The following RAB39A variants were observed in gnomAD, a reference collection of about 807,000 sequenced individuals.
RAB39A encodes ras-related protein Rab-39A.
RAB39A carries 17 observed loss-of-function variants against 20.9 expected under a neutral mutation model. The observed-to-expected ratio is 0.81, with a 90% CI of 0.56 to 1.22. The LOEUF (loss-of-function observed/expected upper bound fraction) is 1.22. Among genes scored for constraint, RAB39A ranks in the 50% most tolerant of loss-of-function variants. The pLI, the probability that RAB39A is intolerant of heterozygous loss-of-function variation, is 0.00. For synonymous variants in RAB39A, 99 were observed against 103.4 expected, an observed-to-expected ratio of 0.96 and a Z score of 0.26; for missense variants, 234 against 270.5, an observed-to-expected ratio of 0.87 and a Z score of 0.95.
At chr11:107,955,543 G>A (rs1486589984) in intron 1 of RAB39A, among the ~76,000 whole-genome samples, 1 of 151,962 alleles carries the variant, frequency 6.6e-6, no homozygotes, top group Non-Finnish European at 1.5e-5. Context: ...ACATTATACT[G>A]ATAATGTTTC....
intron 1 of RAB39A, among the ~76,000 whole-genome samples, chr11:107,939,239 G>A (rs1197828391): frequency 2.6e-4 from 24 of 92,116 alleles, no homozygotes; most frequent in South Asian, 7.0e-4. Context: ...GCGAGACTCT[G>A]TCTCAAAAAA....
In RAB39A at chr11:107,928,610, C is replaced by G; in HGVS notation, c.42C>G (p.Ile14Met). Residue 14 changes from isoleucine (I) to methionine (M), a missense_variant, in exon 1 of 2, where the codon ATC (isoleucine) becomes ATG (methionine). Ile to Met is a conservative substitution (Grantham distance 10). Transcript: ENST00000320578. This position sits in a 1 kb window ranked among gnomAD's most constrained non-coding sequence, Gnocchi z 4.9. ...TCTACCAGTTCCGCCTCATCGTGAT[C>G]GGGGACTCCACCGTGGGCAAGTCCT... The part of the protein sequence containing the change: ...IWIYQFRLIV[I>M]GDSTVGKSCL... The G allele has an allele frequency of 6.3e-7, 1 of 1,593,488 alleles. No individual in the cohort carries two copies. The highest frequency in any genetic ancestry group is 1.7e-5 in the Admixed American group (1 of 59,522).
In RAB39A at chr11:107,952,433, T is replaced by G. The variant is rs549488269; in HGVS notation, c.228-9513T>G. ...CCGTCTCTACAAAAAATACAGAAAT[T>G]AGCTGGGTGTGGTGGCGCATACCTG... is the stretch of plus-strand genomic sequence containing the variant. On this transcript the variant is annotated intron_variant, in intron 1 of 1. Transcript: ENST00000320578. Among the ~76,000 whole-genome samples the G allele has an allele frequency of 2.6e-5, 4 of 151,692 alleles. No homozygotes were observed. In the South Asian group the frequency reaches 8.4e-4, roughly 32 times the overall value.
At chr11:107,960,398 G>A (rs1466855468) in intron 1 of RAB39A, among the ~76,000 whole-genome samples, 1 of 152,150 alleles carries the variant, frequency 6.6e-6, no homozygotes, top group Admixed American at 6.5e-5. Context: ...TGGCAGGGAA[G>A]GCTGCTCAGA....
chr11:107,950,878 A>G (rs563466601), intron 1 of RAB39A, among the ~76,000 whole-genome samples: 4 of 152,330 alleles, frequency 2.6e-5, no homozygotes, highest in South Asian at 2.1e-4. Context: ...ATTAATTGCT[A>G]CAGAGGAAAA....
intron 1 of RAB39A, among the ~76,000 whole-genome samples, chr11:107,955,060 G>A (rs938566853): frequency 4.2e-5 from 5 of 119,628 alleles, no homozygotes; most frequent in Non-Finnish European, 6.4e-5. Context: ...GCAGTGGCCC[G>A]ATCTCGGCTC....
At chr11:107,937,100 G>T (rs975280480) in intron 1 of RAB39A, among the ~76,000 whole-genome samples, 11 of 152,076 alleles carry the variant, frequency 7.2e-5, no homozygotes, top group African/African-American at 2.7e-4. Context: ...TTAGTTAAAA[G>T]TGTATTGTAA....
rs1160860189 is a variant in RAB39A at position 107,963,401 on chromosome 11, T to C, written c.*1029T>C. On this transcript the variant is annotated 3_prime_UTR_variant, in exon 2 of 2. Coordinates refer to ENST00000320578, the MANE Select transcript of RAB39A (RefSeq NM_017516.3). ...CAGCACATGTTTTGCTGTTACGGTG[T>C]ACTGTTCGTATTTAGACAAGAAGAA... is the stretch of plus-strand genomic sequence containing the variant. 6.6e-6 allele frequency: 1 copy of C among 152,180 alleles called. No individual in the cohort carries two copies. Among genetic ancestry groups the C allele is most frequent in the Non-Finnish European group, 1.5e-5 (1 of 68,034 alleles). The allele number at this position is 152,180 out of a possible 1,614,324, so 9.4% of individuals were successfully genotyped here.
chr11:107,941,349 A>G (rs1861256901), intron 1 of RAB39A, among the ~76,000 whole-genome samples: 1 of 152,188 alleles, frequency 6.6e-6, no homozygotes, highest in East Asian at 1.9e-4. Flanking sequence ...GATACCTGAA[A>G]GAAAAAGTGT....
intron 1 of RAB39A, among the ~76,000 whole-genome samples, chr11:107,949,204 G>A (rs890280725): frequency 2.0e-5 from 3 of 151,952 alleles, no homozygotes; most frequent in Non-Finnish European, 2.9e-5. Context: ...CCAGCTACTC[G>A]GGAGGCTGAG....
intron 1 of RAB39A, among the ~76,000 whole-genome samples, chr11:107,955,243 C>T (rs1215789413): frequency 6.6e-6 from 1 of 152,006 alleles, no homozygotes; most frequent in East Asian, 1.9e-4. Context: ...GTGATCCACC[C>T]ACCTCAGCCT....
intron 1 of RAB39A, among the ~76,000 whole-genome samples, chr11:107,956,484 T>C (rs761723551): frequency 2.0e-5 from 3 of 152,198 alleles, no homozygotes; most frequent in African/African-American, 4.8e-5. Flanking sequence ...GCCCACAGCC[T>C]AAGAAACATA....
Position 107,928,912 on chromosome 11 carries a change from G to C in RAB39A, c.227+117G>C, listed in dbSNP as rs1056494855. 1 of 755,304 alleles carries C rather than the reference G, an allele frequency of 1.3e-6. No individual in the cohort carries two copies. Among genetic ancestry groups the C allele is most frequent in the Non-Finnish European group, 2.0e-6 (1 of 494,490 alleles). The allele number at this position is 755,304 out of a possible 1,614,324, so 46.8% of individuals were successfully genotyped here. On this transcript the variant is annotated intron_variant, in intron 1 of 1. Transcript: ENST00000320578. This position sits in a 1 kb window ranked among gnomAD's most constrained non-coding sequence, Gnocchi z 4.9. ...GGAGAGGCTCTGGCCCTTCCCTCTC[G>C]AAAGTGCAAACACTCCATTCTCGCT...
chr11:107,950,938 A>G (rs1222132360), intron 1 of RAB39A, among the ~76,000 whole-genome samples: 1 of 152,172 alleles, frequency 6.6e-6, no homozygotes, highest in Non-Finnish European at 1.5e-5. Context: ...GTAAGAAAGC[A>G]TCACTATCAT....
chr11:107,944,445 CAAAG>C (rs890925103), intron 1 of RAB39A, among the ~76,000 whole-genome samples: 6 of 152,052 alleles, frequency 3.9e-5, no homozygotes, highest in African/African-American at 1.4e-4. Context: ...AGACTTATAG[CAAAG>C]AAAGAAAATA....
chr11:107,959,305 T>G (rs1861471428), intron 1 of RAB39A, among the ~76,000 whole-genome samples: 2 of 152,168 alleles, frequency 1.3e-5, no homozygotes, highest in African/African-American at 4.8e-5. Context: ...CTGAGTAAAT[T>G]CAAGCTTTCA....
rs1861473194 is a variant in RAB39A at position 107,959,458 on chromosome 11, T to TCCC, written c.228-2488_228-2487insCCC. The stretch of plus-strand genomic sequence containing the variant: ...TATAGCAACTGCATTATTCATAGCC[T>TCCC]GCCAAAGATGGTGGGAGATTTTTCT... On this transcript the variant is annotated intron_variant, in intron 1 of 1. Transcript: ENST00000320578. Among the ~76,000 whole-genome samples the TCCC allele has an allele frequency of 3.9e-5, 6 of 152,364 alleles. No individual in the cohort carries two copies. The South Asian group carries it at 8.3e-4, about 21-fold the overall frequency.
At position 107,944,609 on chromosome 11, in the gene RAB39A, A is replaced by G. The variant is rs1460415903; in HGVS notation, c.227+15814A>G. Reference sequence around the variant, plus strand: ...ACCATGTTAGCCAGGCTGGTCTCGAACTCCTGACCTTGTGATCTGCCCGCC... The same window carrying G: ...ACCATGTTAGCCAGGCTGGTCTCGAGCTCCTGACCTTGTGATCTGCCCGCC... On this transcript the variant is annotated intron_variant, in intron 1 of 1. Coordinates refer to ENST00000320578, the MANE Select transcript of RAB39A (RefSeq NM_017516.3). Among the ~76,000 whole-genome samples, 9 of 151,804 alleles carry G rather than the reference A, an allele frequency of 5.9e-5. No homozygotes were observed. The East Asian group carries it at 1.4e-3, about 23-fold the overall frequency.
intron 1 of RAB39A, among the ~76,000 whole-genome samples, chr11:107,941,257 C>T (rs1861255805): frequency 6.6e-6 from 1 of 152,076 alleles, no homozygotes; most frequent in South Asian, 2.1e-4. Context: ...ACCCCCAAGG[C>T]AGATATGGTG....
Sources: allele counts gnomAD v4.1 joint callset (sites outside exome capture counted in the v4.1 genomes callset), GRCh38; gene constraint gnomAD v4.1.1; non-coding constraint Gnocchi (gnomAD v3.1); transcripts MANE v1.5; gene names NCBI Gene and HGNC (gene_info 2026-07-23, HGNC 2026-07-21).